Variants in THRB observed in about 807,000 individuals in gnomAD.
The protein encoded by THRB is thyroid hormone receptor beta.
In THRB, 12 loss-of-function variants were observed where a neutral mutation model predicts 47.8. The observed-to-expected ratio is 0.25, with a 90% confidence interval of 0.16 to 0.41. The LOEUF is 0.41. THRB is among the 10% of genes least tolerant of loss of function. The pLI, the probability that THRB is intolerant of heterozygous loss-of-function variation, is 1.00. For synonymous variants in THRB, 218 were observed against 212.2 expected (o/e 1.03, Z -0.24); for missense variants, 348 against 589.2 (o/e 0.59, Z 4.24).
chr3:24,426,309 A>T (rs889565716), intron 1 of THRB, among the ~76,000 whole-genome samples: 1 of 151,964 alleles, frequency 6.6e-6, no homozygotes, highest in Non-Finnish European at 1.5e-5. Context: ...TATAACTGCT[A>T]TAGGGGCCAC....
At chr3:24,267,159 A>G (rs1463097883) in intron 3 of THRB, among the ~76,000 whole-genome samples, 1 of 152,158 alleles carries the variant, frequency 6.6e-6, no homozygotes, top group Non-Finnish European at 1.5e-5. Context: ...AAATAAAACT[A>G]TTGAAACAGT....
Position 24,143,536 on chromosome 3 carries a change from G to T in THRB, c.703C>A (p.Gln235Lys), listed in dbSNP as rs76923375. The T allele has an allele frequency of 1.2e-6, 2 of 1,614,178 alleles. No homozygotes were observed. Among genetic ancestry groups the T allele is most frequent in the Non-Finnish European group, 1.7e-6 (2 of 1,180,030 alleles). Residue 235 changes from glutamine to lysine, a missense_variant, in exon 8 of 11, where the codon CAA (glutamine) becomes AAA (lysine). Physicochemically the swap from Gln to Lys is moderately conservative, Grantham distance 53 (BLOSUM62 1). Coordinates refer to ENST00000646209, the MANE Select transcript of THRB (RefSeq NM_001354712.2). ...CGTTTTTGCTTCCAGTGGCTGCCTT[G>T]GGCGTTGGTCGCCACATGGGCTTCG... ...VTEAHVATNA[Q>K]GSHWKQKRKF...
chr3:24,187,488 A>G (rs1467870187), intron 5 of THRB, among the ~76,000 whole-genome samples: 3 of 152,150 alleles, frequency 2.0e-5, no homozygotes, highest in Admixed American at 2.0e-4. Flanking sequence ...TTTTGTTCGT[A>G]TCATTTCTAC....
intron 1 of THRB, among the ~76,000 whole-genome samples, chr3:24,481,050 C>CT (rs991263824): frequency 6.6e-6 from 1 of 152,128 alleles, no homozygotes; most frequent in Non-Finnish European, 1.5e-5. Flanking sequence ...AGCTCTGGGT[C>CT]TTTTTGCCGT....
At chr3:24,297,702 C>G (rs1410152703) in intron 2 of THRB, among the ~76,000 whole-genome samples, 8 of 152,226 alleles carry the variant, frequency 5.3e-5, no homozygotes, top group Non-Finnish European at 1.2e-4. Flanking sequence ...CAAACTCCTT[C>G]CCTCTGTTTT....
intron 2 of THRB, among the ~76,000 whole-genome samples, chr3:24,312,876 G>T (rs952377866): frequency 1.6e-4 from 24 of 152,180 alleles, no homozygotes; most frequent in African/African-American, 5.5e-4. Context: ...GTGGAAAATG[G>T]GTTGGAGGAT....
chr3:24,423,022 A>G (rs1348434740), intron 1 of THRB, among the ~76,000 whole-genome samples: 1 of 151,852 alleles, frequency 6.6e-6, no homozygotes, highest in Non-Finnish European at 1.5e-5. Context: ...TGACTAACCT[A>G]AAACCACCAA....
intron 5 of THRB, among the ~76,000 whole-genome samples, chr3:24,185,301 T>C (rs2042427059): frequency 6.6e-6 from 1 of 152,236 alleles, no homozygotes; most frequent in Non-Finnish European, 1.5e-5. Flanking sequence ...TAAAATGGTA[T>C]GCCTAGTATG....
intron 5 of THRB, among the ~76,000 whole-genome samples, chr3:24,185,067 T>C (rs888827144): frequency 6.6e-6 from 1 of 152,174 alleles, no homozygotes; most frequent in African/African-American, 2.4e-5. Flanking sequence ...TTTGATTCAT[T>C]TTTTTTGTCT....
intron 8 of THRB, among the ~76,000 whole-genome samples, chr3:24,142,619 A>T (rs2035590604): frequency 2.6e-5 from 4 of 152,210 alleles, no homozygotes; most frequent in African/African-American, 9.6e-5. Context: ...GGTACTTGAA[A>T]AGGGTTTTAT....
intron 3 of THRB, among the ~76,000 whole-genome samples, chr3:24,280,810 T>C (rs1470544151): frequency 3.3e-5 from 5 of 152,094 alleles, no homozygotes; most frequent in African/African-American, 4.8e-5. Context: ...CAGGAGCCCA[T>C]GCGATCAACT....
At chr3:24,272,290 G>A (rs950393505) in intron 3 of THRB, among the ~76,000 whole-genome samples, 1 of 151,972 alleles carries the variant, frequency 6.6e-6, no homozygotes, top group African/African-American at 2.4e-5. Flanking sequence ...AGGCAACAGT[G>A]AGTAGTGATC....
At chr3:24,436,401 G>T (rs963099737) in intron 1 of THRB, among the ~76,000 whole-genome samples, 1 of 152,056 alleles carries the variant, frequency 6.6e-6, no homozygotes, top group Non-Finnish European at 1.5e-5. Flanking sequence ...GACACGCCTC[G>T]ATGCACGACT....
rs766280403 is a variant in THRB at position 24,127,674 on chromosome 3, T to G, written c.969A>C (p.Pro323=). ...MSLRAAVRYD[P]ESETLTLNGE... is the part of the protein sequence containing the mutation. The stretch of plus-strand genomic sequence containing the variant: ...CATTCAAGGTTAAAGTCTCACTTTC[T>G]GGGTCATAGCGCACAGCAGCGCGAA... Residue 323 remains proline, a synonymous_variant, in exon 10 of 11, where the codon CCA becomes CCC. Coordinates refer to ENST00000646209, the MANE Select transcript of THRB (RefSeq NM_001354712.2). The G allele has an allele frequency of 3.7e-6, 6 of 1,614,232 alleles. No individual in the cohort carries two copies. The highest frequency in any genetic ancestry group is 4.2e-6 in the Non-Finnish European group (5 of 1,180,046).
intron 1 of THRB, among the ~76,000 whole-genome samples, chr3:24,412,065 T>A (rs1372408473): frequency 2.6e-5 from 4 of 151,924 alleles, no homozygotes; most frequent in South Asian, 2.1e-4. Flanking sequence ...ACATGACATG[T>A]ACAGAGTACT....
At chr3:24,330,966 T>C (rs781280469) in intron 2 of THRB, among the ~76,000 whole-genome samples, 50 of 152,028 alleles carry the variant, frequency 3.3e-4, no homozygotes, top group Non-Finnish European at 5.9e-4. Flanking sequence ...TTGTGTAGAT[T>C]ACACACACAA....
rs765315142 is a variant in THRB at position 24,123,131 on chromosome 3, G to C, written c.1145-6C>G. Reference sequence around the variant, plus strand: ...ACAGGCAAGCCCCGGGCGATCTGCGGGGAAGAGAGAAGATGGACATTGATT... The same window carrying C: ...ACAGGCAAGCCCCGGGCGATCTGCGCGGAAGAGAGAAGATGGACATTGATT... On this transcript the variant is annotated splice_region_variant and splice_polypyrimidine_tract_variant and intron_variant, in intron 10 of 10. Coordinates refer to ENST00000646209, the MANE Select transcript of THRB (RefSeq NM_001354712.2). The C allele has an allele frequency of 1.9e-6, 3 of 1,613,924 alleles. No individual in the cohort carries two copies. Among genetic ancestry groups the C allele is most frequent in the Non-Finnish European group, 2.5e-6 (3 of 1,179,978 alleles).
In THRB at chr3:24,127,593, T is replaced by C; in HGVS notation, c.1050A>G (p.Ser350=). The change falls in exon 10 of 11, where the codon TCA becomes TCG. Residue 350 remains serine, a synonymous_variant. Transcript: ENST00000646209. ...QLKNGGLGVV[S]DAIFDLGMSL... ...ACATGCCCAGGTCAAAGATGGCGTC[T>C]GACACCACCCCAAGACCCCCATTTT... The C allele has an allele frequency of 6.2e-7, 1 of 1,614,212 alleles. No homozygotes were observed. The highest frequency in any genetic ancestry group is 8.5e-7 in the Non-Finnish European group (1 of 1,180,034).
chr3:24,425,769 T>C (rs1560155854), intron 1 of THRB, among the ~76,000 whole-genome samples: 1 of 151,954 alleles, frequency 6.6e-6, no homozygotes, highest in East Asian at 1.9e-4. Flanking sequence ...AAAGCCCAAG[T>C]CCTGGCTCTA....
Sources: allele counts gnomAD v4.1 joint callset (sites outside exome capture counted in the v4.1 genomes callset), GRCh38; gene constraint gnomAD v4.1.1; transcripts MANE v1.5; gene names NCBI Gene and HGNC (gene_info 2026-07-23, HGNC 2026-07-21).